AIG1: variants seen among roughly 807,000 people sequenced by gnomAD.
AIG1 encodes the protein androgen-induced gene 1 protein.
Under a neutral mutation model 31.4 loss-of-function variants are expected in AIG1, and 23 were observed. The ratio of observed to expected loss-of-function variants is 0.73; its 90% CI spans 0.53 to 1.04. The LOEUF is 1.04. Among genes scored for constraint, AIG1 ranks in the 50% least tolerant of loss-of-function variants. The pLI is 0.00. For synonymous variants in AIG1, 100 were observed against 110.5 expected, an observed-to-expected ratio of 0.90 and a Z score of 0.60; for missense variants, 274 against 295.0, an observed-to-expected ratio of 0.93 and a Z score of 0.52.
At chr6:143,061,559 G>A (rs1402588579) in intron 1 of AIG1, 1 of 312,124 alleles carries the variant, frequency 3.2e-6, no homozygotes, top group Non-Finnish European at 6.4e-6. Flanking sequence ...CTTCTCATAA[G>A]GGAGAGAAAG....
At chr6:143,278,143 A>G (rs1324353738) in intron 3 of AIG1, among the ~76,000 whole-genome samples, 2 of 152,200 alleles carry the variant, frequency 1.3e-5, no homozygotes, top group Non-Finnish European at 1.5e-5. Context: ...CTTTAATACC[A>G]TTACATTCGT....
chr6:143,186,734 A>T (rs966457236), intron 3 of AIG1: 1 of 152,392 alleles, frequency 6.6e-6, no homozygotes, highest in African/African-American at 2.4e-5. Flanking sequence ...GACATTTGAA[A>T]GGGTCCTGAA....
chr6:143,194,485 G>A (rs779931580), intron 3 of AIG1, among the ~76,000 whole-genome samples: 1 of 152,178 alleles, frequency 6.6e-6, no homozygotes, highest in African/African-American at 2.4e-5. Context: ...TGATGAGCAC[G>A]GAAAAGTCCT....
chr6:143,177,418 C>A (rs1197451569), intron 3 of AIG1, among the ~76,000 whole-genome samples: 3 of 152,162 alleles, frequency 2.0e-5, no homozygotes, highest in Non-Finnish European at 4.4e-5. Context: ...TGACACATTG[C>A]CTCTTCTGAT....
intron 3 of AIG1, among the ~76,000 whole-genome samples, chr6:143,266,564 G>A (rs1477521593): frequency 6.6e-6 from 1 of 151,984 alleles, no homozygotes; most frequent in African/African-American, 2.4e-5. Context: ...ATTTAACAAT[G>A]TATCCATATA....
At chr6:143,084,882 G>T (rs1446793136) in intron 1 of AIG1, among the ~76,000 whole-genome samples, 1 of 152,166 alleles carries the variant, frequency 6.6e-6, no homozygotes, top group Non-Finnish European at 1.5e-5. Flanking sequence ...GGTCTACACT[G>T]GGAAGTGCTT....
intron 1 of AIG1, among the ~76,000 whole-genome samples, chr6:143,105,599 C>CT (rs1780729621): frequency 6.6e-6 from 1 of 152,240 alleles, no homozygotes; most frequent in Non-Finnish European, 1.5e-5. Context: ...AAGCACAGTC[C>CT]TATCCTTGAA....
chr6:143,287,737 T>TTAA (rs1797783099), intron 4 of AIG1, among the ~76,000 whole-genome samples: 2 of 78,052 alleles, frequency 2.6e-5, no homozygotes, highest in Admixed American at 1.6e-4. Flanking sequence ...CTGACTACAG[T>TTAA]AAAAAAAAAA....
At chr6:143,222,770 A>G (rs779617411) in intron 3 of AIG1, among the ~76,000 whole-genome samples, 3 of 152,148 alleles carry the variant, frequency 2.0e-5, no homozygotes, top group Non-Finnish European at 4.4e-5. Context: ...AGGTTCATTC[A>G]GCCTTTTCTT....
chr6:143,105,201 C>G (rs1207566372), intron 1 of AIG1, among the ~76,000 whole-genome samples: 1 of 152,136 alleles, frequency 6.6e-6, no homozygotes, highest in Non-Finnish European at 1.5e-5. Context: ...TCCCATGCCA[C>G]AAGAGCCAGA....
chr6:143,333,946 T>A lies in AIG1; in HGVS notation c.679+501T>A, dbSNP rs1053037495. 1.1e-6 allele frequency: 1 copy of A among 913,112 alleles called. No individual in the cohort carries two copies. The highest frequency in any genetic ancestry group is 1.7e-6 in the Non-Finnish European group (1 of 588,904). The allele number at this position is 913,112 out of a possible 1,614,324, so 56.6% of individuals were successfully genotyped here. ...GCAGTGTGTGATGCTCCGGCCACCTTGACTCACCAGTGGCTGTCACGGAAA... is the reference window on the plus strand; with the variant it reads ...GCAGTGTGTGATGCTCCGGCCACCTAGACTCACCAGTGGCTGTCACGGAAA... On this transcript the variant is annotated intron_variant, in intron 5 of 5. Coordinates refer to ENST00000357847, the MANE Select transcript of AIG1 (RefSeq NM_016108.4). The surrounding 1 kb of genome is among the most constrained non-coding windows in gnomAD (Gnocchi z 4.6).
intron 1 of AIG1, among the ~76,000 whole-genome samples, chr6:143,112,608 A>C (rs548495590): frequency 6.6e-6 from 1 of 152,242 alleles, no homozygotes; most frequent in African/African-American, 2.4e-5. Flanking sequence ...GACAAGTACC[A>C]GATGACAGGT....
At chr6:143,300,477 G>GT (rs1798748588) in intron 4 of AIG1, among the ~76,000 whole-genome samples, 1 of 152,140 alleles carries the variant, frequency 6.6e-6, no homozygotes, top group Non-Finnish European at 1.5e-5. Flanking sequence ...AAAAGAATAA[G>GT]TTACCAGCCA....
intron 1 of AIG1, among the ~76,000 whole-genome samples, chr6:143,081,810 C>T (rs1025970997): frequency 2.0e-5 from 3 of 152,154 alleles, no homozygotes; most frequent in Admixed American, 1.3e-4. Flanking sequence ...TTTCCCCATT[C>T]CATTTCTTCT....
chr6:143,168,824 A>G (rs1470398014), intron 3 of AIG1, among the ~76,000 whole-genome samples: 2 of 152,164 alleles, frequency 1.3e-5, no homozygotes, highest in South Asian at 2.1e-4. Flanking sequence ...AAATTCTCAC[A>G]TGTATTTTAA....
chr6:143,074,910 T>C (rs570937614), intron 1 of AIG1, among the ~76,000 whole-genome samples: 1 of 152,218 alleles, frequency 6.6e-6, no homozygotes, highest in Non-Finnish European at 1.5e-5. Flanking sequence ...TAAGCAAAAT[T>C]AGTGTTACTT....
At chr6:143,147,919 T>C (rs1784843884) in intron 2 of AIG1, among the ~76,000 whole-genome samples, 2 of 152,186 alleles carry the variant, frequency 1.3e-5, no homozygotes, top group South Asian at 4.1e-4. Context: ...AGGGCTATAC[T>C]GGAACGATTT....
At chr6:143,129,116 C>T (rs991917902) in intron 1 of AIG1, among the ~76,000 whole-genome samples, 2 of 151,878 alleles carry the variant, frequency 1.3e-5, no homozygotes, top group Non-Finnish European at 2.9e-5. Flanking sequence ...ATGGTGAAAC[C>T]CCATTTCTAC....
At chr6:143,304,133 A>C (rs952220008) in intron 4 of AIG1, among the ~76,000 whole-genome samples, 46 of 151,986 alleles carry the variant, frequency 3.0e-4, no homozygotes, top group Non-Finnish European at 4.9e-4. Context: ...GGGCTGAGAC[A>C]ATGGGGTTTT....
Sources: gnomAD v4.1 joint callset for allele counts (sites outside exome capture counted in the v4.1 genomes callset) on GRCh38, gnomAD v4.1.1 for gene constraint, Gnocchi (gnomAD v3.1) non-coding constraint, MANE v1.5 for transcripts, NCBI Gene and HGNC (gene_info 2026-07-23, HGNC 2026-07-21) for gene names.